Variants in USP32 observed in about 807,000 individuals in gnomAD.
USP32 encodes the protein ubiquitin specific peptidase 32.
A neutral mutation model predicts 204.8 loss-of-function variants in USP32; 59 were observed. The ratio of observed to expected loss-of-function variants is 0.29; its 90% CI spans 0.23 to 0.36. The LOEUF (loss-of-function observed/expected upper bound fraction) is 0.36. USP32 is among the 10% of genes least tolerant of loss of function. The pLI is 1.00. For synonymous variants in USP32, 517 were observed against 678.4 expected, an observed-to-expected ratio of 0.76 and a Z score of 3.70; for missense variants, 1,160 against 1,946.4, an observed-to-expected ratio of 0.60 and a Z score of 7.60.
intron 7 of USP32, among the ~76,000 whole-genome samples, chr17:60,268,962 T>C (rs1567816487): frequency 6.6e-6 from 1 of 152,198 alleles, no homozygotes; most frequent in African/African-American, 2.4e-5. Context: ...TGGAATGTAT[T>C]TATGCTTACA....
At chr17:60,403,811 G>A (rs1032751880) in intron 1 of USP32, among the ~76,000 whole-genome samples, 9 of 152,126 alleles carry the variant, frequency 5.9e-5, no homozygotes, top group South Asian at 2.1e-4. Flanking sequence ...AGGCCAAGGC[G>A]GGAGTATTGA....
chr17:60,389,307 C>T (rs927580386), intron 1 of USP32, among the ~76,000 whole-genome samples: 17 of 152,072 alleles, frequency 1.1e-4, no homozygotes, highest in Admixed American at 6.5e-4. Flanking sequence ...TTTGGAAGGC[C>T]GAGGCTGGTG....
intron 2 of USP32, among the ~76,000 whole-genome samples, chr17:60,334,929 G>C (rs1317300445): frequency 7.0e-6 from 1 of 142,388 alleles, no homozygotes; most frequent in Non-Finnish European, 1.5e-5. Context: ...AAAGTGCTGG[G>C]ATTACAGGCG....
Position 60,368,747 on chromosome 17 carries a change from T to C in USP32, c.58+23135A>G, listed in dbSNP as rs565211391. Among the ~76,000 whole-genome samples, 331 of 152,290 alleles carry C rather than the reference T, an allele frequency of 2.2e-3. 4 individuals carry two copies. The highest frequency in any genetic ancestry group is 7.5e-3 in the African/African-American group (311 of 41,552). ...TCAGCAATTTCCTAATAATCATACA[T>C]GGTTCTATACACAACCTCGAAATGG... On this transcript the variant is annotated intron_variant, in intron 1 of 33. Transcript: ENST00000300896.
Position 60,386,364 on chromosome 17 carries a change from T to TAA in USP32, c.58+5516_58+5517dup, listed in dbSNP as rs72099332. ...AACTACTAATTTTTAGTTCATAAAT[T>TAA]AAAAAAAAAAAAAAAAAAATCCCTC... On this transcript the variant is annotated intron_variant, in intron 1 of 33. Transcript: ENST00000300896. Among the ~76,000 whole-genome samples the TAA allele has an allele frequency of 7.0e-3, 943 of 134,026 alleles. 7 individuals are homozygous for TAA. The highest frequency in any genetic ancestry group is 0.027 in the East Asian group (126 of 4,600). The allele number at this position is 134,026 out of a possible 152,430, so 87.9% of individuals were successfully genotyped here. A position where few individuals can be genotyped will look rare whatever the true frequency, so the allele number is the denominator to read the frequency against.
intron 28 of USP32, among the ~76,000 whole-genome samples, chr17:60,191,793 G>A (rs1456640878): frequency 6.6e-6 from 1 of 151,896 alleles, no homozygotes; most frequent in East Asian, 2.0e-4. Flanking sequence ...ACACGCGTGA[G>A]CCACCACGCC....
At chr17:60,385,696 G>T (rs2089719012) in intron 1 of USP32, among the ~76,000 whole-genome samples, 2 of 151,732 alleles carry the variant, frequency 1.3e-5, no homozygotes, top group South Asian at 2.1e-4. Context: ...ACAAAAATGA[G>T]CCGGGCATGG....
chr17:60,224,492 A>G (rs962821066), intron 13 of USP32, among the ~76,000 whole-genome samples: 2 of 152,242 alleles, frequency 1.3e-5, no homozygotes, highest in African/African-American at 4.8e-5. Flanking sequence ...CTTGGAAGAA[A>G]TAATAACACA....
At chr17:60,211,834 AAATTT>A (rs1325724599) in intron 19 of USP32, among the ~76,000 whole-genome samples, 185 bp downstream of exon 19, 1 of 151,958 alleles carries the variant, frequency 6.6e-6, no homozygotes, top group Non-Finnish European at 1.5e-5. Context: ...AGTTAGAAAG[AAATTT>A]AGAAAATAAT....
intron 11 of USP32, among the ~76,000 whole-genome samples, chr17:60,246,071 T>C (rs1455917307): frequency 1.3e-5 from 2 of 152,000 alleles, no homozygotes; most frequent in Admixed American, 6.6e-5. Context: ...TACAATAAAT[T>C]ATTTTTAACT....
At chr17:60,319,604 C>T (rs1217624403) in intron 2 of USP32, among the ~76,000 whole-genome samples, 1 of 151,982 alleles carries the variant, frequency 6.6e-6, no homozygotes, top group Non-Finnish European at 1.5e-5. Flanking sequence ...ATGGTGAAAC[C>T]CCATCTCTAC....
At chr17:60,193,018 G>T in intron 27 of USP32, 88 bp from the exon 28 acceptor site, 2 of 1,416,964 alleles carry the variant, frequency 1.4e-6, no homozygotes, top group South Asian at 1.2e-5. Flanking sequence ...GTAACCCTAG[G>T]AAGGGGCATT....
chr17:60,274,309 C>T (rs972296814), intron 5 of USP32, among the ~76,000 whole-genome samples: 1 of 151,984 alleles, frequency 6.6e-6, no homozygotes, highest in Non-Finnish European at 1.5e-5. Flanking sequence ...ATCTTAGTGA[C>T]CTATAAGATA....
rs754994597 is a variant in USP32 at position 60,205,673 on chromosome 17, A to G, written c.3038-15T>C. 2 of 1,613,710 alleles carry G rather than the reference A, an allele frequency of 1.2e-6. No homozygotes were observed. Among genetic ancestry groups the G allele is most frequent in the East Asian group, 4.5e-5 (2 of 44,872 alleles). The stretch of plus-strand genomic sequence containing the variant: ...AGAGGAGAAATCTACAAATTCAAAG[A>G]TAAGTACAGTATCATAAGCTTGTGG... On this transcript the variant is annotated splice_polypyrimidine_tract_variant and intron_variant, in intron 25 of 33. Transcript: ENST00000300896.
chr17:60,308,722 G>GT (rs1282505473), intron 2 of USP32, among the ~76,000 whole-genome samples: 1 of 152,226 alleles, frequency 6.6e-6, no homozygotes, highest in Non-Finnish European at 1.5e-5. Context: ...GAGGTCAGGA[G>GT]TTCAAGACCA....
chr17:60,373,599 A>G (rs1255510908), intron 1 of USP32, among the ~76,000 whole-genome samples: 1 of 151,776 alleles, frequency 6.6e-6, no homozygotes, highest in South Asian at 2.1e-4. Context: ...ACAGGCGTGC[A>G]CCACCACAAC....
chr17:60,406,931 A>G (rs941538209), intron 1 of USP32, among the ~76,000 whole-genome samples: 1 of 152,204 alleles, frequency 6.6e-6, no homozygotes, highest in African/African-American at 2.4e-5. Context: ...TCTGATCATG[A>G]TGGAGTTAAA....
chr17:60,351,769 A>T (rs1428606647), intron 1 of USP32, among the ~76,000 whole-genome samples: 1 of 152,246 alleles, frequency 6.6e-6, no homozygotes, highest in Non-Finnish European at 1.5e-5. Context: ...AGTCAAGATG[A>T]GTAATACATA....
At chr17:60,234,564 A>G (rs1049817261) in intron 12 of USP32, among the ~76,000 whole-genome samples, 2 of 150,996 alleles carry the variant, frequency 1.3e-5, no homozygotes, top group Non-Finnish European at 3.0e-5. Context: ...CATCTCTACT[A>G]AAAATACAAA....
Sources: gnomAD v4.1 joint callset for allele counts (sites outside exome capture counted in the v4.1 genomes callset) on GRCh38, gnomAD v4.1.1 for gene constraint, MANE v1.5 for transcripts, NCBI Gene and HGNC (gene_info 2026-07-23, HGNC 2026-07-21) for gene names.